Variants in C1orf167 observed in about 807,000 individuals in gnomAD.
The protein encoded by C1orf167 is uncharacterized protein C1orf167.
A neutral mutation model predicts 176.5 loss-of-function variants in C1orf167; 153 were observed. The observed-to-expected ratio is 0.87, with a 90% CI of 0.76 to 0.99. The LOEUF (loss-of-function observed/expected upper bound fraction) is 0.99, where lower values mean the gene tolerates loss of function less well. C1orf167 is among the 50% of genes least tolerant of loss of function. C1orf167 has a pLI of 0.00. For synonymous variants in C1orf167, 594 were observed against 752.7 expected (o/e 0.79, Z 3.45); for missense variants, 1,490 against 1,817.7 (o/e 0.82, Z 3.28).
In C1orf167 at chr1:11,768,230, A is replaced by C; in HGVS notation, c.1497A>C (p.Ala499=). ...LWLREAQLEA[A]WGQYTKVLLV... is the part of the protein sequence containing the mutation. Reference sequence around the variant, plus strand: ...TCCGGGAGGCTCAGCTGGAGGCAGCATGGGGGCAGTACACAAAGGTTCTGC... The same window carrying C: ...TCCGGGAGGCTCAGCTGGAGGCAGCCTGGGGGCAGTACACAAAGGTTCTGC... The change falls in exon 5 of 21, where the codon GCA becomes GCC. Residue 499 remains alanine (A), a synonymous_variant. Coordinates refer to ENST00000688073, the MANE Select transcript of C1orf167 (RefSeq NM_001010881.2). The surrounding 1 kb of genome is among the most constrained non-coding windows in gnomAD (Gnocchi z 4.5). 7.8e-7 allele frequency: 1 copy of C among 1,289,906 alleles called. No individual in the cohort carries two copies. Among genetic ancestry groups the C allele is most frequent in the Non-Finnish European group, 1.0e-6 (1 of 988,858 alleles). 79.9% of individuals were successfully genotyped at this position (1,289,906 alleles called of 1,614,324 possible). A position where few individuals can be genotyped will look rare whatever the true frequency, so the allele number is the denominator to read the frequency against.
chr1:11,783,919 G>A (rs1459681222), intron 14 of C1orf167, among the ~76,000 whole-genome samples: 10 of 152,102 alleles, frequency 6.6e-5, no homozygotes, highest in African/African-American at 9.7e-5. Context: ...GTGCACTTGC[G>A]CGATCTCGGC....
chr1:11,780,035 A>G (rs1643521949), intron 13 of C1orf167, 25 bp downstream of exon 13: 1 of 1,248,870 alleles, frequency 8.0e-7, no homozygotes, highest in South Asian at 1.4e-5. Flanking sequence ...GGTCGGGGGC[A>G]CTGCGGGTGA....
intron 10 of C1orf167, 62 bp from the exon 11 acceptor site, chr1:11,778,598 T>G: frequency 8.2e-7 from 1 of 1,226,664 alleles, no homozygotes; most frequent in Non-Finnish European, 1.1e-6. Context: ...TAGCCCCTGC[T>G]TGGCCACCCT....
intron 1 of C1orf167, among the ~76,000 whole-genome samples, 130 bp downstream of exon 1, chr1:11,762,435 G>T (rs559353948): frequency 9.8e-5 from 15 of 152,310 alleles, no homozygotes; most frequent in Non-Finnish European, 1.5e-4. Flanking sequence ...GAGGGAGACG[G>T]ACGAGGAGCG....
Position 11,788,316 on chromosome 1 carries a change from C to G in C1orf167, c.4016C>G (p.Pro1339Arg). 1 of 1,302,664 alleles carries G rather than the reference C, an allele frequency of 7.7e-7. No individual in the cohort carries two copies. The highest frequency in any genetic ancestry group is 5.6e-5 in the East Asian group (1 of 17,982). The allele number at this position is 1,302,664 out of a possible 1,614,324, so 80.7% of individuals were successfully genotyped here. ...RAAGFPAGQV[P>R]GSGMAALGGC... is the part of the protein sequence containing the mutation. The stretch of plus-strand genomic sequence containing the variant: ...GCGGGGTTCCCAGCAGGCCAGGTGC[C>G]TGGCAGTGGCATGGCAGCACTGGGT... Residue 1339 changes from proline to arginine, a missense_variant, in exon 19 of 21, where the codon CCT becomes CGT. Pro to Arg is a moderately radical substitution (Grantham distance 103). Transcript: ENST00000688073.
chr1:11,766,543 C>G lies in C1orf167; in HGVS notation c.757C>G (p.Arg253Gly). 3 of 1,246,188 alleles carry G rather than the reference C, an allele frequency of 2.4e-6. No individual in the cohort carries two copies. The highest frequency in any genetic ancestry group is 3.1e-6 in the Non-Finnish European group (3 of 966,262). 77.2% of individuals were successfully genotyped at this position (1,246,188 alleles called of 1,614,324 possible). Residue 253 changes from arginine to glycine, a missense_variant, in exon 3 of 21, where the codon CGA becomes GGA. Physicochemically the swap from Arg to Gly is moderately radical, Grantham distance 125. Coordinates refer to ENST00000688073, the MANE Select transcript of C1orf167 (RefSeq NM_001010881.2). The surrounding 1 kb of genome is among the most constrained non-coding windows in gnomAD (Gnocchi z 4.5). ...SVHCLAQEAA[R>G]LRCQAPQEPP... ...ACATTGCCTGGCGCAGGAGGCAGCC[C>G]GACTCAGGTGCCAGGCTCCCCAGGA...
chr1:11,784,272 C>T lies in C1orf167; in HGVS notation c.3104C>T (p.Ala1035Val). The part of the protein sequence containing the change: ...QDGLRRRALG[A>V]VFATWREAQE... Reference sequence around the variant, plus strand: ...GGCCTGAGGAGAAGAGCACTGGGGGCCGTGTTTGCCACATGGCGGGAAGCC... The same window carrying T: ...GGCCTGAGGAGAAGAGCACTGGGGGTCGTGTTTGCCACATGGCGGGAAGCC... Residue 1035 changes from alanine (A) to valine (V), a missense_variant, in exon 15 of 21, where the codon GCC (alanine) becomes GTC (valine). Coordinates refer to ENST00000688073, the MANE Select transcript of C1orf167 (RefSeq NM_001010881.2). The T allele has an allele frequency of 7.7e-7, 1 of 1,303,020 alleles. No homozygotes were observed. Among genetic ancestry groups the T allele is most frequent in the Non-Finnish European group, 1.0e-6 (1 of 988,296 alleles). 80.7% of individuals were successfully genotyped at this position (1,303,020 alleles called of 1,614,324 possible).
rs1433778249 is a variant in C1orf167 at position 11,785,402 on chromosome 1, G to T, written c.3567+113G>T. ...AAACAGGTGAAGGGAGCCTAGGCAG[G>T]GCGGGAGGTCCAAAAATGACCCTCG... On this transcript the variant is annotated intron_variant, in intron 16 of 20. Coordinates refer to ENST00000688073, the MANE Select transcript of C1orf167 (RefSeq NM_001010881.2). 4.5e-6 allele frequency: 5 copies of T among 1,104,374 alleles called. No homozygotes were observed. In the African/African-American group the frequency reaches 8.2e-5, roughly 18 times the overall value. 68.4% of individuals were successfully genotyped at this position (1,104,374 alleles called of 1,614,324 possible).
intron 17 of C1orf167, 120 bp from the exon 18 acceptor site, chr1:11,787,753 A>G (rs1477704301): frequency 2.6e-6 from 3 of 1,157,622 alleles, no homozygotes; most frequent in Non-Finnish European, 3.3e-6. Flanking sequence ...GGCAGGGCAC[A>G]AGGCTAAGCT....
At chr1:11,771,778 C>T (rs1182397623) in intron 7 of C1orf167, 142 bp downstream of exon 7, 3 of 524,400 alleles carry the variant, frequency 5.7e-6, no homozygotes, top group Non-Finnish European at 9.3e-6. Context: ...GAGACAATCT[C>T]ATTTGAGCCT....
intron 12 of C1orf167, 145 bp downstream of exon 12, chr1:11,779,225 T>A: frequency 1.3e-6 from 1 of 780,760 alleles, no homozygotes; most frequent in Non-Finnish European, 1.7e-6. Context: ...TCCTGCCCCG[T>A]CCTACTGAGA....
chr1:11,788,471 C>G, intron 19 of C1orf167, 93 bp downstream of exon 19: 1 of 1,189,898 alleles, frequency 8.4e-7, no homozygotes, highest in Non-Finnish European at 1.1e-6. Flanking sequence ...CTTGGACCTA[C>G]TGACTCCAAA....
chr1:11,780,814 G>T (rs111480199), intron 13 of C1orf167, among the ~76,000 whole-genome samples: 1 of 151,974 alleles, frequency 6.6e-6, no homozygotes, highest in Non-Finnish European at 1.5e-5. Context: ...AGGTTGAGGC[G>T]TGGGAAGGGG....
chr1:11,771,418 T>G (rs2100291639), intron 6 of C1orf167, 106 bp from the exon 7 acceptor site: 1 of 529,046 alleles, frequency 1.9e-6, no homozygotes, highest in Non-Finnish European at 3.2e-6. Context: ...CAGCGCCCCC[T>G]GCTCCCAAGG....
intron 14 of C1orf167, among the ~76,000 whole-genome samples, chr1:11,783,569 T>C (rs1643690495): frequency 6.6e-6 from 1 of 152,080 alleles, no homozygotes; most frequent in South Asian, 2.1e-4. Context: ...TTTTCTTGGC[T>C]TCTCACTGAG....
At chr1:11,788,502 G>C in intron 19 of C1orf167, 124 bp downstream of exon 19, 1 of 1,119,126 alleles carries the variant, frequency 8.9e-7, no homozygotes, top group East Asian at 6.0e-5. Context: ...ACAGGCCCAG[G>C]AATCTGCATT....
chr1:11,769,172 C>T lies in C1orf167; in HGVS notation c.1697+45C>T, dbSNP rs1356823702. Reference sequence around the variant, plus strand: ...GAAGCCGGTGGCCTTTCTTCCCCAACTTCCTGCCTTGCCCCCACTACTTCC... The same window carrying T: ...GAAGCCGGTGGCCTTTCTTCCCCAATTTCCTGCCTTGCCCCCACTACTTCC... On this transcript the variant is annotated intron_variant, in intron 6 of 20. Coordinates refer to ENST00000688073, the MANE Select transcript of C1orf167 (RefSeq NM_001010881.2). The T allele has an allele frequency of 3.0e-6, 3 of 983,792 alleles. 1 individual carries two copies. Among genetic ancestry groups the T allele is most frequent in the Admixed American group, 6.2e-5 (1 of 16,258 alleles). The allele number at this position is 983,792 out of a possible 1,614,324, so 60.9% of individuals were successfully genotyped here. A position where few individuals can be genotyped will look rare whatever the true frequency, so the allele number is the denominator to read the frequency against.
chr1:11,776,775 C>T (rs1487313767), intron 10 of C1orf167, 137 bp downstream of exon 10: 4 of 858,438 alleles, frequency 4.7e-6, no homozygotes, highest in Non-Finnish European at 6.2e-6. Flanking sequence ...CTCCCCGTGG[C>T]CCTGCACAGG....
chr1:11,785,323 T>C, intron 16 of C1orf167, 34 bp downstream of exon 16: 1 of 1,246,514 alleles, frequency 8.0e-7, no homozygotes, highest in Non-Finnish European at 1.0e-6. Flanking sequence ...CCTCACGCTC[T>C]GGCCCCGGAT....
Sources: gnomAD v4.1 joint callset for allele counts (sites outside exome capture counted in the v4.1 genomes callset) on GRCh38, gnomAD v4.1.1 for gene constraint, Gnocchi (gnomAD v3.1) non-coding constraint, MANE v1.5 for transcripts, NCBI Gene and HGNC (gene_info 2026-07-23, HGNC 2026-07-21) for gene names.